Variants in NCKAP5 observed in about 807,000 individuals in gnomAD.
The protein encoded by NCKAP5 is nck-associated protein 5.
A neutral mutation model predicts 167.0 loss-of-function variants in NCKAP5; 92 were observed. That is an observed-to-expected ratio of 0.55 (90% CI 0.47 to 0.66). The LOEUF (loss-of-function observed/expected upper bound fraction) is 0.66, where lower values mean the gene tolerates loss of function less well. Ranked by LOEUF, NCKAP5 falls within the 30% of genes least tolerant of loss-of-function variation. NCKAP5 has a pLI of 0.00. For synonymous variants in NCKAP5, 891 were observed against 877.4 expected (o/e 1.02, Z -0.27); for missense variants, 2,378 against 2,315.0 (o/e 1.03, Z -0.56).
chr2:132,944,554 G>A (rs1255496020), intron 8 of NCKAP5, among the ~76,000 whole-genome samples: 1 of 152,176 alleles, frequency 6.6e-6, no homozygotes, highest in Non-Finnish European at 1.5e-5. Context: ...GGTTAGCGCA[G>A]TAGCCTGGAT....
rs78198693 is a variant in NCKAP5, at chr2:133,230,701, T to G, written c.144-16922A>C. The stretch of plus-strand genomic sequence containing the variant: ...CTTCTGCAAAGTTTGGTTGTTTACT[T>G]AGACCATGAAGATATTCCTCCTTTT... On this transcript the variant is annotated intron_variant, in intron 4 of 19. Coordinates refer to ENST00000409261, the MANE Select transcript of NCKAP5 (RefSeq NM_207363.3). 4.4e-3 allele frequency among the ~76,000 whole-genome samples: 673 copies of G among 152,312 alleles called. 19 individuals carry two copies. The South Asian group carries it at 0.06, about 14-fold the overall frequency.
intron 7 of NCKAP5, among the ~76,000 whole-genome samples, chr2:132,979,783 C>T (rs544966060): frequency 3.7e-4 from 56 of 152,296 alleles, no homozygotes; most frequent in Non-Finnish European, 7.8e-4. Context: ...CCTTCAAAGA[C>T]CAACTCGACT....
the NCKAP5 span, among the ~76,000 whole-genome samples, chr2:133,660,496 A>AT: frequency 6.6e-6 from 1 of 152,156 alleles, no homozygotes; most frequent in African/African-American, 2.4e-5. Flanking sequence ...ATTGCATGCA[A>AT]TTTTTTAAAA....
chr2:133,181,045 AAG>A (rs1447809295), intron 5 of NCKAP5, among the ~76,000 whole-genome samples: 8 of 152,140 alleles, frequency 5.3e-5, no homozygotes, highest in Admixed American at 2.0e-4. Flanking sequence ...GGGGGAAAGA[AAG>A]AACATGGTAA....
intron 3 of NCKAP5, among the ~76,000 whole-genome samples, chr2:133,317,313 A>G (rs1015384042): frequency 2.6e-5 from 4 of 152,170 alleles, no homozygotes; most frequent in African/African-American, 9.7e-5. Flanking sequence ...CAGATTGAAC[A>G]TAAGAGCAGG....
At chr2:133,564,727 G>A (rs1046629751) in intron 1 of NCKAP5, among the ~76,000 whole-genome samples, 7 of 152,138 alleles carry the variant, frequency 4.6e-5, no homozygotes, top group African/African-American at 1.4e-4. Context: ...CTTAAGTAGG[G>A]AGGGAGACAC....
intron 5 of NCKAP5, among the ~76,000 whole-genome samples, chr2:133,134,734 C>T (rs1300325013): frequency 6.6e-6 from 1 of 152,204 alleles, no homozygotes; most frequent in Non-Finnish European, 1.5e-5. Flanking sequence ...TCTGATTAAA[C>T]CTCAAATGCA....
intron 3 of NCKAP5, among the ~76,000 whole-genome samples, chr2:133,435,511 C>T (rs1221927477): frequency 6.6e-6 from 1 of 152,102 alleles, no homozygotes; most frequent in Non-Finnish European, 1.5e-5. Context: ...CCAGTCTCTC[C>T]AGGGCTCACT....
chr2:133,618,199 C>T, the NCKAP5 span, among the ~76,000 whole-genome samples: 6 of 152,016 alleles, frequency 3.9e-5, no homozygotes, highest in Admixed American at 3.9e-4. Context: ...ACCATGAAAA[C>T]CCTAGAAGAA....
At chr2:133,149,668 T>C (rs1009990774) in intron 5 of NCKAP5, among the ~76,000 whole-genome samples, 5 of 152,192 alleles carry the variant, frequency 3.3e-5, no homozygotes, top group African/African-American at 1.2e-4. Context: ...TACATCACAC[T>C]GCTCTCACTA....
chr2:133,404,740 T>C (rs1443943043), intron 3 of NCKAP5, among the ~76,000 whole-genome samples: 2 of 152,338 alleles, frequency 1.3e-5, no homozygotes, highest in East Asian at 3.9e-4. Flanking sequence ...TTCTTGCAAA[T>C]AACTATGCTT....
At chr2:133,403,740 T>A (rs183467941) in intron 3 of NCKAP5, among the ~76,000 whole-genome samples, 111 of 152,302 alleles carry the variant, frequency 7.3e-4, no homozygotes, top group Non-Finnish European at 1.4e-3. Context: ...CCAAGTCCCA[T>A]CTCATTCCAC....
intron 3 of NCKAP5, among the ~76,000 whole-genome samples, chr2:133,354,094 C>T (rs553239191): frequency 6.6e-6 from 1 of 152,340 alleles, no homozygotes; most frequent in African/African-American, 2.4e-5. Flanking sequence ...TTCCCCTCCC[C>T]TCAGGGGTTT....
rs115314184 is a variant in NCKAP5, at chr2:133,504,394, C to T, written c.69+13064G>A. ...GGTGACATACTATAGCTCAGTTTAGCACTTAAAAATTAACTTTAATTCTAG... is the reference window on the plus strand; with the variant it reads ...GGTGACATACTATAGCTCAGTTTAGTACTTAAAAATTAACTTTAATTCTAG... On this transcript the variant is annotated intron_variant, in intron 3 of 19. Coordinates refer to ENST00000409261, the MANE Select transcript of NCKAP5 (RefSeq NM_207363.3). Among the ~76,000 whole-genome samples, 891 of 150,840 alleles carry T rather than the reference C, an allele frequency of 5.9e-3. 34 individuals are homozygous for T. Among genetic ancestry groups the T allele is most frequent in the African/African-American group, 0.021 (850 of 40,700 alleles).
intron 5 of NCKAP5, among the ~76,000 whole-genome samples, chr2:133,189,685 A>C (rs1037371234): frequency 6.6e-6 from 1 of 152,230 alleles, no homozygotes; most frequent in African/African-American, 2.4e-5. Flanking sequence ...GACAAAAATC[A>C]CATGATTATC....
chr2:133,431,022 A>T (rs1172091841), intron 3 of NCKAP5, among the ~76,000 whole-genome samples: 1 of 152,006 alleles, frequency 6.6e-6, no homozygotes, highest in Non-Finnish European at 1.5e-5. Flanking sequence ...AGAAAGACAG[A>T]GAGAGAGACA....
At chr2:133,524,879 T>C (rs1377970672) in intron 2 of NCKAP5, among the ~76,000 whole-genome samples, 1 of 152,162 alleles carries the variant, frequency 6.6e-6, no homozygotes, top group Non-Finnish European at 1.5e-5. Context: ...TTGTGCATGC[T>C]TATGTGTATG....
intron 4 of NCKAP5, among the ~76,000 whole-genome samples, chr2:133,273,798 A>C (rs1176390693): frequency 7.2e-6 from 1 of 138,630 alleles, no homozygotes; most frequent in Non-Finnish European, 1.6e-5. Flanking sequence ...ATTAATTTCC[A>C]AAAAAAAATT....
intron 3 of NCKAP5, among the ~76,000 whole-genome samples, chr2:133,375,304 T>A (rs72989645): frequency 0.045 from 6,831 of 152,284 alleles, 470 homozygotes; most frequent in African/African-American, 0.15. Context: ...TAGTAATGTC[T>A]TGAGGAAACA....
Sources: allele counts gnomAD v4.1 joint callset (sites outside exome capture counted in the v4.1 genomes callset), GRCh38; gene constraint gnomAD v4.1.1; transcripts MANE v1.5; gene names NCBI Gene and HGNC (gene_info 2026-07-23, HGNC 2026-07-21).